Variants in CSMD3 observed in about 807,000 individuals in gnomAD.
CSMD3 encodes the protein CUB and sushi domain-containing protein 3.
A neutral mutation model predicts 435.2 loss-of-function variants in CSMD3; 177 were observed. That is an observed-to-expected ratio of 0.41 (90% CI 0.36 to 0.46). The LOEUF is 0.46. Ranked by LOEUF, CSMD3 falls within the 20% of genes least tolerant of loss-of-function variation. The pLI is 0.34. For missense variants in CSMD3, 4,265 were observed against 4,504.6 expected (o/e 0.95, Z 1.52); for synonymous variants, 1,656 against 1,520.5 (o/e 1.09, Z -2.07).
chr8:112,871,074 T>C (rs1410627780), intron 10 of CSMD3, among the ~76,000 whole-genome samples: 1 of 152,202 alleles, frequency 6.6e-6, no homozygotes, highest in Non-Finnish European at 1.5e-5. Flanking sequence ...CATGGTAACA[T>C]TTGATAGGAT....
intron 35 of CSMD3, among the ~76,000 whole-genome samples, chr8:112,403,488 ATGTATTTCT>A (rs529521703): frequency 6.6e-6 from 1 of 152,290 alleles, no homozygotes; most frequent in Non-Finnish European, 1.5e-5. Flanking sequence ...AACAACAGAA[ATGTATTTCT>A]TAGAGTTCTA....
At chr8:113,380,380 C>T (rs557064851) in intron 1 of CSMD3, among the ~76,000 whole-genome samples, 74 of 151,986 alleles carry the variant, frequency 4.9e-4, no homozygotes, top group Middle Eastern at 3.4e-3. Flanking sequence ...TATCTCTGAA[C>T]GATATTTTCC....
intron 27 of CSMD3, among the ~76,000 whole-genome samples, chr8:112,518,267 A>AAATGTCC (rs1823888557): frequency 6.6e-6 from 1 of 151,884 alleles, no homozygotes; most frequent in South Asian, 2.1e-4. Context: ...TTGGGACATC[A>AAATGTCC]AGGCAAGAGG....
At chr8:112,306,297 A>G (rs1333216959) in intron 50 of CSMD3, 105 bp from the exon 51 acceptor site, 15 of 807,952 alleles carry the variant, frequency 1.9e-5, no homozygotes, top group Non-Finnish European at 3.1e-5. Flanking sequence ...GGGGATTTTT[A>G]TCAATTCCTC....
chr8:113,314,925 G>A, intron 1 of CSMD3, 132 bp from the exon 2 acceptor site: 1 of 637,050 alleles, frequency 1.6e-6, no homozygotes. Context: ...GGCAGTTTAA[G>A]AGCTGGGCAC....
intron 5 of CSMD3, among the ~76,000 whole-genome samples, chr8:113,041,596 T>C (rs1014981053): frequency 1.3e-5 from 2 of 152,154 alleles, no homozygotes; most frequent in African/African-American, 4.8e-5. Context: ...AATTTTGAAG[T>C]ATATCATTTT....
At chr8:113,022,429 G>A (rs766230319) in intron 5 of CSMD3, among the ~76,000 whole-genome samples, 17 of 151,712 alleles carry the variant, frequency 1.1e-4, no homozygotes, top group Non-Finnish European at 2.2e-4. Context: ...ATGATAGTAA[G>A]CAAGAGAAAA....
At chr8:112,870,684 A>T (rs945696342) in intron 10 of CSMD3, among the ~76,000 whole-genome samples, 1 of 152,200 alleles carries the variant, frequency 6.6e-6, no homozygotes, top group East Asian at 1.9e-4. Flanking sequence ...TGAGTGCTGG[A>T]TAGTTTTTAT....
chr8:113,048,384 C>T (rs575048596), intron 5 of CSMD3, among the ~76,000 whole-genome samples: 4 of 152,246 alleles, frequency 2.6e-5, no homozygotes, highest in East Asian at 3.9e-4. Context: ...TGAGCCACCG[C>T]GCCCAGCCAA....
At chr8:112,226,555 T>G (rs943375518) in intron 70 of CSMD3, among the ~76,000 whole-genome samples, 1 of 152,104 alleles carries the variant, frequency 6.6e-6, no homozygotes, top group East Asian at 1.9e-4. Flanking sequence ...GGAAAAAAAA[T>G]AAATTTAACT....
At chr8:113,277,365 T>C (rs2093579579) in intron 3 of CSMD3, among the ~76,000 whole-genome samples, 1 of 151,902 alleles carries the variant, frequency 6.6e-6, no homozygotes, top group Admixed American at 6.6e-5. Context: ...TTCAGAAAAG[T>C]ATTAGGTAGA....
intron 10 of CSMD3, among the ~76,000 whole-genome samples, chr8:112,908,167 G>A (rs1034590703): frequency 4.0e-5 from 6 of 151,338 alleles, no homozygotes; most frequent in African/African-American, 1.5e-4. Context: ...GGAAATACTA[G>A]CTTAACGTAT....
chr8:113,294,667 TCTAA>T (rs2093706941), intron 2 of CSMD3, among the ~76,000 whole-genome samples: 2 of 152,100 alleles, frequency 1.3e-5, no homozygotes, highest in Non-Finnish European at 2.9e-5. Flanking sequence ...AGGTGACAAA[TCTAA>T]CTTATTGCTT....
intron 3 of CSMD3, among the ~76,000 whole-genome samples, chr8:113,270,649 A>T (rs1003213634): frequency 5.9e-5 from 9 of 152,172 alleles, no homozygotes; most frequent in Admixed American, 2.6e-4. Flanking sequence ...GCAGCCATAA[A>T]AAAGGATGAG....
chr8:113,277,945 C>T (rs1330212575), intron 3 of CSMD3, among the ~76,000 whole-genome samples: 1 of 151,880 alleles, frequency 6.6e-6, no homozygotes, highest in East Asian at 1.9e-4. Flanking sequence ...GGCACCATCC[C>T]ATTATCAAAC....
chr8:112,868,980 A>C (rs1034855916), intron 10 of CSMD3, among the ~76,000 whole-genome samples: 3 of 152,250 alleles, frequency 2.0e-5, no homozygotes, highest in South Asian at 4.2e-4. Flanking sequence ...ATGACAACAA[A>C]AGCATAGGCA....
intron 13 of CSMD3, among the ~76,000 whole-genome samples, chr8:112,780,878 A>T (rs1380108559): frequency 6.6e-6 from 1 of 152,066 alleles, no homozygotes; most frequent in Non-Finnish European, 1.5e-5. Context: ...AAATTTAAAA[A>T]GCAGTCTAAG....
At chr8:113,401,927 T>C (rs779890808) in intron 1 of CSMD3, among the ~76,000 whole-genome samples, 72 of 151,688 alleles carry the variant, frequency 4.7e-4, no homozygotes, top group Middle Eastern at 6.8e-3. Context: ...ATGTAGAGTA[T>C]AATATCTAGG....
intron 5 of CSMD3, among the ~76,000 whole-genome samples, chr8:113,027,803 G>A (rs988938932): frequency 1.3e-5 from 2 of 151,772 alleles, no homozygotes; most frequent in African/African-American, 4.8e-5. Flanking sequence ...CTTATTTCCA[G>A]GATCTATCCT....
Sources: allele counts gnomAD v4.1 joint callset (sites outside exome capture counted in the v4.1 genomes callset), GRCh38; gene constraint gnomAD v4.1.1; transcripts MANE v1.5; gene names NCBI Gene and HGNC (gene_info 2026-07-23, HGNC 2026-07-21).